FNDC5: variants seen among roughly 807,000 people sequenced by gnomAD.
FNDC5 encodes the protein fibronectin type III domain containing 5, also known as fibronectin type III domain-containing protein 5.
FNDC5 carries 10 observed loss-of-function variants against 24.6 expected under a neutral mutation model. The observed-to-expected ratio is 0.41, with a 90% CI of 0.25 to 0.69. The LOEUF (loss-of-function observed/expected upper bound fraction) is 0.69, where lower values mean the gene tolerates loss of function less well. FNDC5 is among the 30% of genes least tolerant of loss of function. FNDC5 has a pLI of 0.34. For synonymous variants in FNDC5, 90 were observed against 110.7 expected (o/e 0.81, Z 1.18); for missense variants, 226 against 282.9 (o/e 0.80, Z 1.44).
rs1267644747 is a variant in FNDC5, at chr1:32,863,981, C to T, written c.*313G>A. On this transcript the variant is annotated 3_prime_UTR_variant, in exon 6 of 6. Transcript: ENST00000373471. Reference sequence around the variant, plus strand: ...TTTTCAAACCCAGCCTTCAGCCTCACTCAACTGAATGGCCAAGACTGGGTC... The same window carrying T: ...TTTTCAAACCCAGCCTTCAGCCTCATTCAACTGAATGGCCAAGACTGGGTC... 6.8e-6 allele frequency: 9 copies of T among 1,326,020 alleles called. No individual in the cohort carries two copies. The Admixed American group carries it at 1.9e-4, about 27-fold the overall frequency. The allele number at this position is 1,326,020 out of a possible 1,614,324, so 82.1% of individuals were successfully genotyped here.
chr1:32,865,680 G>T (rs1327490394), intron 4 of FNDC5, among the ~76,000 whole-genome samples: 1 of 152,070 alleles, frequency 6.6e-6, no homozygotes, highest in Non-Finnish European at 1.5e-5. Flanking sequence ...ACCTCTGACA[G>T]CTCCTGTTTT....
rs149496621 is a variant in FNDC5, at chr1:32,868,326, G to A, written c.273C>T (p.Ala91=). The change falls in exon 3 of 6, where the codon GCC becomes GCT. Residue 91 remains alanine, a synonymous_variant. Coordinates refer to ENST00000373471, the MANE Select transcript of FNDC5 (RefSeq NM_153756.3). The surrounding 1 kb of genome is among the most constrained non-coding windows in gnomAD (Gnocchi z 4.8). ...CCGTATCCTCCTCCAGGTCCCAGAG[G>A]GCACATGAGCGGGTGGTGGTGTTCA... 3.0e-4 allele frequency: 479 copies of A among 1,614,080 alleles called. No homozygotes were observed. The highest frequency in any genetic ancestry group is 3.8e-4 in the Non-Finnish European group (454 of 1,180,044).
chr1:32,868,203 G>A lies in FNDC5; in HGVS notation c.396C>T (p.Ala132=), dbSNP rs779220112. Reference sequence around the variant, plus strand: ...ACCCGGGCCTGCCTTTGTTCTTGGAGGCCATCTTCTCAGCCTCACGCGGGG... The same window carrying A: ...ACCCGGGCCTGCCTTTGTTCTTGGAAGCCATCTTCTCAGCCTCACGCGGGG... The change falls in exon 3 of 6, where the codon GCC becomes GCT. Residue 132 remains alanine, a synonymous_variant. Transcript: ENST00000373471. This position sits in a 1 kb window ranked among gnomAD's most constrained non-coding sequence, Gnocchi z 4.8. 1.9e-5 allele frequency: 31 copies of A among 1,614,058 alleles called. No individual in the cohort carries two copies. The Admixed American group carries it at 4.3e-4, about 23-fold the overall frequency.
chr1:32,871,011 G>C (rs1230050431), upstream of FNDC5: 2 of 148,798 alleles, frequency 1.3e-5, no homozygotes. Context: ...GGTGAGGACC[G>C]GAGGGCGCCC....
chr1:32,869,841 G>C (rs1488175424), intron 1 of FNDC5, among the ~76,000 whole-genome samples: 1 of 152,108 alleles, frequency 6.6e-6, no homozygotes, highest in East Asian at 1.9e-4. Flanking sequence ...GTGCAGCACG[G>C]GGCAGAGCTG....
At chr1:32,864,890 G>T in intron 4 of FNDC5, 93 bp from the exon 5 acceptor site, 1 of 1,538,966 alleles carries the variant, frequency 6.5e-7, no homozygotes, top group Admixed American at 1.9e-5. Context: ...GGTCTCTCCA[G>T]ATTGTACCTC....
chr1:32,867,645 A>C, intron 4 of FNDC5, 108 bp downstream of exon 4: 1 of 1,034,348 alleles, frequency 9.7e-7, no homozygotes, highest in Non-Finnish European at 1.4e-6. Flanking sequence ...TTTTCACCTT[A>C]GAGATGTCCA....
At chr1:32,869,103 G>C (rs2148711223) in intron 1 of FNDC5, 106 bp from the exon 2 acceptor site, 1 of 546,562 alleles carries the variant, frequency 1.8e-6, no homozygotes. Context: ...ATGCAGGAGG[G>C]GAAGGAAGAA....
intron 1 of FNDC5, among the ~76,000 whole-genome samples, chr1:32,869,274 G>A (rs1641132748): frequency 6.6e-6 from 1 of 152,254 alleles, no homozygotes; most frequent in African/African-American, 2.4e-5. Flanking sequence ...GATGGGCCTG[G>A]GCCGGGGCCC....
chr1:32,863,818 G>A lies in FNDC5; in HGVS notation c.*476C>T. 7.7e-7 allele frequency: 1 copy of A among 1,305,138 alleles called. No homozygotes were observed. Among genetic ancestry groups the A allele is most frequent in the Non-Finnish European group, 1.0e-6 (1 of 989,506 alleles). 80.8% of individuals were successfully genotyped at this position (1,305,138 alleles called of 1,614,324 possible). ...GAGAGAAGCAGCCAGGCCTAATTGT[G>A]AATAGCCTTCTTGCAAGGCTGGAAA... is the stretch of plus-strand genomic sequence containing the variant. On this transcript the variant is annotated 3_prime_UTR_variant, in exon 6 of 6. Transcript: ENST00000373471.
rs1203531959 is a variant in FNDC5 at position 32,870,847 on chromosome 1, C to CCCGGCCGCT, written c.-110_-102dup. 1 of 240,872 alleles carries CCCGGCCGCT rather than the reference C, an allele frequency of 4.2e-6. No homozygotes were observed. The allele number at this position is 240,872 out of a possible 1,614,324, so 14.9% of individuals were successfully genotyped here. A position where few individuals can be genotyped will look rare whatever the true frequency, so the allele number is the denominator to read the frequency against. ...GCGCTCCGGCCCCCGGCCCGGCCGGCCCGGCCGCTCCGGCCGCCCTGCGCC... is the reference window on the plus strand; with the variant it reads ...GCGCTCCGGCCCCCGGCCCGGCCGGCCCGGCCGCTCCGGCCGCTCCGGCCGCCCTGCGCC... On this transcript the variant is annotated 5_prime_UTR_variant, in exon 1 of 6. Coordinates refer to ENST00000373471, the MANE Select transcript of FNDC5 (RefSeq NM_153756.3).
intron 1 of FNDC5, 93 bp from the exon 2 acceptor site, chr1:32,869,090 GC>G: frequency 1.6e-6 from 1 of 644,218 alleles, no homozygotes; most frequent in Non-Finnish European, 2.2e-6. Flanking sequence ...CCTGGGGAAG[GC>G]CATGCAGGAG....
rs1357202441 is a variant in FNDC5 at position 32,863,882 on chromosome 1, G to T, written c.*412C>A. ...GGAAGGGAGCAGCAGCAGGGCTGTA[G>T]CCTAAATAAGCCAAGCTCTTGTCCC... On this transcript the variant is annotated 3_prime_UTR_variant, in exon 6 of 6. Transcript: ENST00000373471. 2 of 1,304,096 alleles carry T rather than the reference G, an allele frequency of 1.5e-6. No individual in the cohort carries two copies. Among genetic ancestry groups the T allele is most frequent in the Non-Finnish European group, 2.0e-6 (2 of 990,146 alleles). 80.8% of individuals were successfully genotyped at this position (1,304,096 alleles called of 1,614,324 possible). A position where few individuals can be genotyped will look rare whatever the true frequency, so the allele number is the denominator to read the frequency against.
At chr1:32,869,631 G>C (rs982075667) in intron 1 of FNDC5, among the ~76,000 whole-genome samples, 2 of 152,126 alleles carry the variant, frequency 1.3e-5, no homozygotes, top group African/African-American at 2.4e-5. Flanking sequence ...GGGGAAGATG[G>C]GGTCACTCAG....
At position 32,864,208 on chromosome 1, in the gene FNDC5, G is replaced by T. The variant is rs1241112618; in HGVS notation, c.*86C>A. 1 of 1,613,280 alleles carries T rather than the reference G, an allele frequency of 6.2e-7. No homozygotes were observed. Among genetic ancestry groups the T allele is most frequent in the African/African-American group, 1.3e-5 (1 of 74,940 alleles). On this transcript the variant is annotated 3_prime_UTR_variant, in exon 6 of 6. Transcript: ENST00000373471. Reference sequence around the variant, plus strand: ...TGTAGAGAGGGCCAGATGTTTGTTGGATAATCATCATCAGAACCATGAGAT... The same window carrying T: ...TGTAGAGAGGGCCAGATGTTTGTTGTATAATCATCATCAGAACCATGAGAT...
Position 32,863,720 on chromosome 1 carries a change from C to A in FNDC5, c.*574G>T. On this transcript the variant is annotated 3_prime_UTR_variant, in exon 6 of 6. Coordinates refer to ENST00000373471, the MANE Select transcript of FNDC5 (RefSeq NM_153756.3). ...AGCTGAGAAGAAAAATGGAATCCTTCTCCCTGCAGACAGGCAGTCACGCTT... is the reference window on the plus strand; with the variant it reads ...AGCTGAGAAGAAAAATGGAATCCTTATCCCTGCAGACAGGCAGTCACGCTT... The A allele has an allele frequency of 7.7e-7, 1 of 1,304,490 alleles. No homozygotes were observed. The highest frequency in any genetic ancestry group is 1.0e-6 in the Non-Finnish European group (1 of 989,008). 80.8% of individuals were successfully genotyped at this position (1,304,490 alleles called of 1,614,324 possible).
At chr1:32,870,211 A>G (rs1238419280) in intron 1 of FNDC5, among the ~76,000 whole-genome samples, 1 of 152,050 alleles carries the variant, frequency 6.6e-6, no homozygotes, top group Admixed American at 6.5e-5. Flanking sequence ...CTCAGGTGCC[A>G]GCCCCCATCC....
In FNDC5 at chr1:32,864,784, G is replaced by A; in HGVS notation, c.513C>T (p.Leu171=). 2 of 1,614,116 alleles carry A rather than the reference G, an allele frequency of 1.2e-6. No individual in the cohort carries two copies. Among genetic ancestry groups the A allele is most frequent in the Non-Finnish European group, 8.5e-7 (1 of 1,180,028 alleles). The change falls in exon 5 of 6, where the codon CTC becomes CTT. Residue 171 remains leucine (L), a synonymous_variant. Transcript: ENST00000373471. ...TGATGATGTCATACTGGCGGCAGAA[G>A]AGGGCAATGACACCTGAGGGGGGAC...
At chr1:32,869,760 G>C (rs1456838003) in intron 1 of FNDC5, among the ~76,000 whole-genome samples, 2 of 152,164 alleles carry the variant, frequency 1.3e-5, no homozygotes, top group Non-Finnish European at 2.9e-5. Flanking sequence ...GGATAGTGGG[G>C]GTCAGTGAGG....
Sources: gnomAD v4.1 joint callset for allele counts (sites outside exome capture counted in the v4.1 genomes callset) on GRCh38, gnomAD v4.1.1 for gene constraint, Gnocchi (gnomAD v3.1) non-coding constraint, MANE v1.5 for transcripts, NCBI Gene and HGNC (gene_info 2026-07-23, HGNC 2026-07-21) for gene names.